Variants in IMMP2L observed in about 807,000 individuals in gnomAD.
The protein encoded by IMMP2L is mitochondrial inner membrane protease subunit 2.
IMMP2L carries 18 observed loss-of-function variants against 19.3 expected under a neutral mutation model. The observed-to-expected ratio is 0.93, with a 90% CI of 0.64 to 1.38. IMMP2L has a LOEUF of 1.38. Among genes scored for constraint, IMMP2L ranks in the 40% most tolerant of loss-of-function variants. IMMP2L has a pLI of 0.00. For missense variants in IMMP2L, 233 were observed against 218.2 expected (o/e 1.07, Z -0.43); for synonymous variants, 76 against 73.0 (o/e 1.04, Z -0.21).
At chr7:110,795,750 G>A (rs1027654123) in intron 5 of IMMP2L, among the ~76,000 whole-genome samples, 1 of 152,050 alleles carries the variant, frequency 6.6e-6, no homozygotes, top group Admixed American at 6.6e-5. Flanking sequence ...ATACATCTGG[G>A]AACTGAATAG....
At chr7:110,817,557 C>A (rs375208124) in intron 5 of IMMP2L, among the ~76,000 whole-genome samples, 1 of 151,892 alleles carries the variant, frequency 6.6e-6, no homozygotes, top group Non-Finnish European at 1.5e-5. Flanking sequence ...TTATAGATTC[C>A]ATGCCATCCC....
At chr7:111,260,580 G>C (rs916632002) in intron 3 of IMMP2L, among the ~76,000 whole-genome samples, 5 of 151,986 alleles carry the variant, frequency 3.3e-5, no homozygotes, top group African/African-American at 1.2e-4. Context: ...GCACCTATAA[G>C]GTAATGTGAA....
intron 3 of IMMP2L, among the ~76,000 whole-genome samples, chr7:111,003,501 T>C (rs1257648487): frequency 1.3e-5 from 2 of 151,920 alleles, no homozygotes; most frequent in Non-Finnish European, 2.9e-5. Context: ...GTTCTTAATA[T>C]TATAAATTTC....
chr7:111,152,937 AATGG>A (rs969793277), intron 3 of IMMP2L, among the ~76,000 whole-genome samples: 1 of 152,102 alleles, frequency 6.6e-6, no homozygotes, highest in Non-Finnish European at 1.5e-5. Flanking sequence ...ATGAATGATG[AATGG>A]ATAGCTGGAT....
chr7:111,037,624 T>A (rs985252279), intron 3 of IMMP2L, among the ~76,000 whole-genome samples: 1 of 152,192 alleles, frequency 6.6e-6, no homozygotes, highest in African/African-American at 2.4e-5. Flanking sequence ...ATTCACAATA[T>A]AAATAAATTC....
chr7:111,429,017 G>T (rs541833616), intron 3 of IMMP2L, among the ~76,000 whole-genome samples: 1 of 152,012 alleles, frequency 6.6e-6, no homozygotes, highest in Non-Finnish European at 1.5e-5. Flanking sequence ...GTGGGTGGAT[G>T]GACAGATACA....
At chr7:110,806,458 G>C (rs1473495411) in intron 5 of IMMP2L, among the ~76,000 whole-genome samples, 1 of 151,946 alleles carries the variant, frequency 6.6e-6, no homozygotes, top group African/African-American at 2.4e-5. Flanking sequence ...CTGATTATTT[G>C]AGAGGAATTA....
chr7:110,811,425 T>A (rs1302094253), intron 5 of IMMP2L, among the ~76,000 whole-genome samples: 2 of 152,014 alleles, frequency 1.3e-5, no homozygotes, highest in Middle Eastern at 3.2e-3. Flanking sequence ...GTTCATATAT[T>A]CATAAACAAA....
chr7:111,124,025 T>C (rs146567550), intron 3 of IMMP2L: 7 of 1,613,954 alleles, frequency 4.3e-6, no homozygotes, highest in South Asian at 2.2e-5. Context: ...ATGATGGAAA[T>C]TTGTCTCCCT....
rs987793375 is a variant in IMMP2L at position 110,758,629 on chromosome 7, TACAGTACAATCTTCCA to T, written c.409-94924_409-94909del. ...AATCAATATTGACTTTCAGTCTTCC[TACAGTACAATCTTCCA>T]ATACTTTGTGAGCAGTTAGGACGTT... On this transcript the variant is annotated intron_variant, in intron 5 of 5. Coordinates refer to ENST00000405709, the MANE Select transcript of IMMP2L (RefSeq NM_032549.4). This position sits in a 1 kb window ranked among gnomAD's most constrained non-coding sequence, Gnocchi z 4.6. Among the ~76,000 whole-genome samples the T allele has an allele frequency of 1.3e-4, 20 of 152,100 alleles. No individual in the cohort carries two copies. The highest frequency in any genetic ancestry group is 2.9e-4 in the Non-Finnish European group (20 of 68,010).
intron 5 of IMMP2L, among the ~76,000 whole-genome samples, chr7:110,666,542 G>A (rs1584442187): frequency 6.6e-6 from 1 of 152,160 alleles, no homozygotes; most frequent in African/African-American, 2.4e-5. Flanking sequence ...CCAAAGTGCT[G>A]GGATTACAGG....
At chr7:111,373,206 A>G (rs1284566118) in intron 3 of IMMP2L, among the ~76,000 whole-genome samples, 1 of 152,000 alleles carries the variant, frequency 6.6e-6, no homozygotes. Context: ...TTAACTGAAA[A>G]TATATAAAAG....
intron 5 of IMMP2L, among the ~76,000 whole-genome samples, chr7:110,703,885 GC>G (rs1261584131): frequency 6.7e-6 from 1 of 149,830 alleles, no homozygotes; most frequent in Non-Finnish European, 1.5e-5. Flanking sequence ...TTGCTCTATC[GC>G]CCAGGCTGGA....
chr7:111,346,803 T>C (rs917101690), intron 3 of IMMP2L, among the ~76,000 whole-genome samples: 7 of 152,168 alleles, frequency 4.6e-5, no homozygotes, highest in South Asian at 4.1e-4. Flanking sequence ...AGCTGTGGTA[T>C]AGCAGTGACT....
At chr7:110,810,736 C>G (rs1562990633) in intron 5 of IMMP2L, among the ~76,000 whole-genome samples, 1 of 152,006 alleles carries the variant, frequency 6.6e-6, no homozygotes, top group Non-Finnish European at 1.5e-5. Context: ...AGACCACAGC[C>G]TAATTCAGTT....
chr7:111,443,768 G>C (rs995885803), intron 3 of IMMP2L, among the ~76,000 whole-genome samples: 2 of 152,050 alleles, frequency 1.3e-5, no homozygotes, highest in South Asian at 4.2e-4. Context: ...TTTAAATGTG[G>C]GGATCACTAA....
intron 3 of IMMP2L, among the ~76,000 whole-genome samples, chr7:111,090,123 T>G (rs566862063): frequency 6.6e-6 from 1 of 152,256 alleles, no homozygotes; most frequent in South Asian, 2.1e-4. Flanking sequence ...AGTATACTAA[T>G]TAAGGTTGTA....
chr7:110,706,606 G>A (rs1794698855), intron 5 of IMMP2L, among the ~76,000 whole-genome samples: 1 of 152,134 alleles, frequency 6.6e-6, no homozygotes, highest in Non-Finnish European at 1.5e-5. Context: ...CTGATGACTG[G>A]TGATGCTGAG....
intron 3 of IMMP2L, among the ~76,000 whole-genome samples, chr7:111,342,127 A>G (rs1475121195): frequency 6.6e-6 from 1 of 152,214 alleles, no homozygotes; most frequent in Non-Finnish European, 1.5e-5. Flanking sequence ...ACAATATTAA[A>G]AGAGAGATTT....
Sources: gnomAD v4.1 joint callset for allele counts (sites outside exome capture counted in the v4.1 genomes callset) on GRCh38, gnomAD v4.1.1 for gene constraint, Gnocchi (gnomAD v3.1) non-coding constraint, MANE v1.5 for transcripts, NCBI Gene and HGNC (gene_info 2026-07-23, HGNC 2026-07-21) for gene names.